The following NPEPPS variants were observed in gnomAD, a reference collection of about 807,000 sequenced individuals.
NPEPPS encodes the protein puromycin-sensitive aminopeptidase.
A neutral mutation model predicts 115.5 loss-of-function variants in NPEPPS; 14 were observed. The observed-to-expected ratio is 0.12, with a 90% CI of 0.08 to 0.19. The LOEUF is 0.19. Among genes scored for constraint, NPEPPS ranks in the 10% least tolerant of loss-of-function variants. The pLI is 1.00. For synonymous variants in NPEPPS, 285 were observed against 390.6 expected (o/e 0.73, Z 3.19); for missense variants, 523 against 1,110.8 (o/e 0.47, Z 7.52).
chr17:47,527,948 CA>C (rs1045563784), upstream of NPEPPS, among the ~76,000 whole-genome samples: 270 of 121,386 alleles, frequency 2.2e-3, no homozygotes, highest in Non-Finnish European at 2.2e-3. Context: ...AACTCCATCT[CA>C]AAAAAAAAAA....
rs961369433 is a variant in NPEPPS, at chr17:47,601,965, G to T, written c.1740+218G>T. 4 of 491,708 alleles carry T rather than the reference G, an allele frequency of 8.1e-6. No individual in the cohort carries two copies. The African/African-American group carries it at 8.2e-5, about 10-fold the overall frequency. The allele number at this position is 491,708 out of a possible 1,614,324, so 30.5% of individuals were successfully genotyped here. A position where few individuals can be genotyped will look rare whatever the true frequency, so the allele number is the denominator to read the frequency against. On this transcript the variant is annotated intron_variant, in intron 15 of 22. Transcript: ENST00000322157. ...GCAGATCCAAAGGCATAGGACTAAG[G>T]AGGAGAAGAAAAAAAAAAAAGTAGA...
chr17:47,556,408 T>TA (rs1910038914), intron 2 of NPEPPS, among the ~76,000 whole-genome samples: 1 of 152,088 alleles, frequency 6.6e-6, no homozygotes, highest in African/African-American at 2.4e-5. Context: ...GGTAAGGTCA[T>TA]AGATCAACAG....
At chr17:47,530,653 G>A, upstream of NPEPPS, among the ~76,000 whole-genome samples, 1 of 152,116 alleles carries the variant, frequency 6.6e-6, no homozygotes, top group East Asian at 1.9e-4. Flanking sequence ...CACTGCGCCC[G>A]GCTATTAAAG....
rs749380530 is a variant in NPEPPS, at chr17:47,536,388, C to CTTTT, written c.255+4851_255+4854dup. On this transcript the variant is annotated intron_variant, in intron 1 of 22. Transcript: ENST00000322157. Reference sequence around the variant, plus strand: ...TGCCCAAATTCTGCATATTTTCTCTCTTTTTTTTTTTTTTTTTTTTTGAGA... The same window carrying CTTTT: ...TGCCCAAATTCTGCATATTTTCTCTCTTTTTTTTTTTTTTTTTTTTTTTTTGAGA... 2.6e-3 allele frequency among the ~76,000 whole-genome samples: 182 copies of CTTTT among 69,918 alleles called. 4 individuals carry two copies. The highest frequency in any genetic ancestry group is 8.8e-3 in the Middle Eastern group (1 of 114). The allele number at this position is 69,918 out of a possible 152,430, so 45.9% of individuals were successfully genotyped here.
upstream of NPEPPS, among the ~76,000 whole-genome samples, chr17:47,528,036 T>C (rs567603260): frequency 1.3e-5 from 2 of 151,986 alleles, no homozygotes; most frequent in Non-Finnish European, 2.9e-5. Context: ...GCACAGTGGT[T>C]CATGTCTGTA....
chr17:47,613,141 T>G (rs1021122846), intron 18 of NPEPPS, among the ~76,000 whole-genome samples: 1 of 152,166 alleles, frequency 6.6e-6, no homozygotes, highest in South Asian at 2.1e-4. Context: ...GCTGTGCACA[T>G]TCCCCTGAAA....
chr17:47,584,429 G>C (rs1304905480), intron 5 of NPEPPS, among the ~76,000 whole-genome samples: 1 of 152,080 alleles, frequency 6.6e-6, no homozygotes, highest in Non-Finnish European at 1.5e-5. Context: ...GTGTTGTCTA[G>C]GACTGTCTTG....
In NPEPPS at chr17:47,545,941, T is replaced by C. The variant is rs1909168186; in HGVS notation, c.288T>C (p.Asn96=). Residue 96 remains asparagine (N), a synonymous_variant, in exon 2 of 23, where the codon AAT becomes AAC. Transcript: ENST00000322157. ...VRQATNQIVM[N]CADIDIITAS... ...AGGCGACTAATCAGATTGTGATGAA[T>C]TGTGCTGATATTGATATTATTACAG... The C allele has an allele frequency of 8.3e-6, 13 of 1,563,638 alleles. No homozygotes were observed. The highest frequency in any genetic ancestry group is 1.1e-5 in the Non-Finnish European group (13 of 1,152,558).
chr17:47,587,171 C>G (rs1162324825), intron 8 of NPEPPS, 59 bp from the exon 9 acceptor site: 2 of 1,484,926 alleles, frequency 1.3e-6, no homozygotes, highest in Non-Finnish European at 1.8e-6. Context: ...ATCTTCCCAA[C>G]TTATGCATGC....
chr17:47,609,357 C>T (rs1030893106), intron 17 of NPEPPS, among the ~76,000 whole-genome samples: 5 of 152,140 alleles, frequency 3.3e-5, no homozygotes, highest in Admixed American at 3.3e-4. Context: ...ATGATGATAA[C>T]GTGACACTTT....
At chr17:47,539,017 G>A (rs1418680832) in intron 1 of NPEPPS, among the ~76,000 whole-genome samples, 16 of 151,348 alleles carry the variant, frequency 1.1e-4, no homozygotes, top group Admixed American at 1.1e-3. Flanking sequence ...CTGTGTGAGA[G>A]TTTGTTGGAT....
chr17:47,532,780 C>T (rs964552512), intron 1 of NPEPPS, among the ~76,000 whole-genome samples: 1 of 151,994 alleles, frequency 6.6e-6, no homozygotes, highest in Non-Finnish European at 1.5e-5. Flanking sequence ...TCCCTCCTCC[C>T]GCAGCATTAT....
intron 2 of NPEPPS, among the ~76,000 whole-genome samples, chr17:47,548,722 G>A (rs1451238615): frequency 2.0e-5 from 3 of 151,382 alleles, no homozygotes; most frequent in South Asian, 2.1e-4. Context: ...GATTACAGGC[G>A]TGTGCCACCA....
chr17:47,544,807 G>A (rs2143708022), intron 1 of NPEPPS, among the ~76,000 whole-genome samples: 1 of 144,956 alleles, frequency 6.9e-6, no homozygotes, highest in South Asian at 2.2e-4. Flanking sequence ...TCACCTCCTG[G>A]GTTCAAGTGA....
At chr17:47,587,186 T>C in intron 8 of NPEPPS, 44 bp from the exon 9 acceptor site, 1 of 1,513,480 alleles carries the variant, frequency 6.6e-7, no homozygotes. Flanking sequence ...GCATGCCCAC[T>C]TTTATTGTTT....
At chr17:47,553,602 T>G (rs953239195) in intron 2 of NPEPPS, among the ~76,000 whole-genome samples, 2 of 152,166 alleles carry the variant, frequency 1.3e-5, no homozygotes, top group African/African-American at 4.8e-5. Flanking sequence ...TAGCAAAACT[T>G]ATATATGCTA....
intron 2 of NPEPPS, among the ~76,000 whole-genome samples, chr17:47,551,067 CT>C (rs755729435): frequency 6.6e-6 from 1 of 152,314 alleles, no homozygotes; most frequent in Middle Eastern, 3.4e-3. Context: ...GTTTTACAGA[CT>C]TTTCTATTTC....
chr17:47,549,047 C>T (rs1221440068), intron 2 of NPEPPS, among the ~76,000 whole-genome samples: 1 of 151,972 alleles, frequency 6.6e-6, no homozygotes, highest in Non-Finnish European at 1.5e-5. Context: ...ATTTTAGATA[C>T]ATAATATATA....
chr17:47,553,621 C>T (rs1385330327), intron 2 of NPEPPS, among the ~76,000 whole-genome samples: 1 of 151,922 alleles, frequency 6.6e-6, no homozygotes, highest in African/African-American at 2.4e-5. Flanking sequence ...TATGTTTTTC[C>T]CTATACATAT....
Sources: allele counts gnomAD v4.1 joint callset (sites outside exome capture counted in the v4.1 genomes callset), GRCh38; gene constraint gnomAD v4.1.1; transcripts MANE v1.5; gene names NCBI Gene and HGNC (gene_info 2026-07-23, HGNC 2026-07-21).